Variants in RCC1L observed in about 807,000 individuals in gnomAD.
RCC1L encodes the protein RCC1-like G exchanging factor-like protein.
A neutral mutation model predicts 58.6 loss-of-function variants in RCC1L; 46 were observed. That is an observed-to-expected ratio of 0.79 (90% CI 0.62 to 1.00). The LOEUF (loss-of-function observed/expected upper bound fraction) is 1.00. Among genes scored for constraint, RCC1L ranks in the 50% least tolerant of loss-of-function variants. The probability of loss-of-function intolerance (pLI) is 0.00; values close to 1 mark genes in which losing one functional copy is unlikely to be tolerated. For synonymous variants in RCC1L, 281 were observed against 262.9 expected (o/e 1.07, Z -0.67); for missense variants, 636 against 623.6 (o/e 1.02, Z -0.21).
intron 7 of RCC1L, 185 bp from the exon 8 acceptor site, chr7:75,057,801 GTTT>G (rs1806129190): frequency 2.9e-6 from 2 of 677,974 alleles, no homozygotes; most frequent in Non-Finnish European, 2.7e-6. Flanking sequence ...AAGAGGCCCA[GTTT>G]CCACCCTCAG....
At chr7:75,027,645 C>T (rs1229024980) in exon 11 of RCC1L, 4 of 267,534 alleles carry the variant, frequency 1.5e-5, no homozygotes, top group South Asian at 4.0e-5. Context: ...TATGGCTCTC[C>T]GCCCTGGCTG....
rs1265701989 is a variant in RCC1L at position 75,051,236 on chromosome 7, GTATA to G, written c.1317+1471_1317+1474del. ...CGTATAATATAAATGTATTATATATGTATATATATTTATATGTGTGTGTGTATAT... is the reference window on the plus strand; with the variant it reads ...CGTATAATATAAATGTATTATATATGTATATTTATATGTGTGTGTGTATAT... On this transcript the variant is annotated intron_variant, in intron 10 of 10. Transcript: ENST00000610322. Among the ~76,000 whole-genome samples, 5 of 144,304 alleles carry G rather than the reference GTATA, an allele frequency of 3.5e-5. No homozygotes were observed. In the South Asian group the frequency reaches 1.1e-3, roughly 31 times the overall value. 94.7% of individuals were successfully genotyped at this position (144,304 alleles called of 152,430 possible).
chr7:75,044,164 C>T (rs999049463), intron 10 of RCC1L, among the ~76,000 whole-genome samples: 3 of 152,224 alleles, frequency 2.0e-5, no homozygotes, highest in Non-Finnish European at 4.4e-5. Flanking sequence ...TCAACAACTC[C>T]AGGTGTGCCC....
intron 10 of RCC1L, among the ~76,000 whole-genome samples, chr7:75,029,618 A>G (rs1805244431): frequency 1.3e-5 from 2 of 151,956 alleles, no homozygotes; most frequent in Admixed American, 1.3e-4. Flanking sequence ...TGCTGGGATT[A>G]CAGGCATGAG....
chr7:75,045,703 A>G (rs1805698787), intron 10 of RCC1L, among the ~76,000 whole-genome samples: 1 of 152,164 alleles, frequency 6.6e-6, no homozygotes, highest in East Asian at 1.9e-4. Flanking sequence ...TTTCGTAGAG[A>G]TGGGGTTTCA....
intron 10 of RCC1L, 117 bp from the exon 11 acceptor site, chr7:75,043,226 G>T: frequency 8.6e-7 from 1 of 1,167,090 alleles, no homozygotes; most frequent in Non-Finnish European, 1.3e-6. Context: ...GAGACAGCTT[G>T]TCTCAGCAGG....
At chr7:75,027,917 G>T in exon 11 of RCC1L, 1 of 1,165,816 alleles carries the variant, frequency 8.6e-7, no homozygotes, top group Non-Finnish European at 1.2e-6. Flanking sequence ...CTGCTGGGTG[G>T]GAGGGTCTCT....
chr7:75,068,450 C>T (rs1395544352), intron 2 of RCC1L, among the ~76,000 whole-genome samples: 2 of 152,084 alleles, frequency 1.3e-5, no homozygotes, highest in Non-Finnish European at 2.9e-5. Context: ...CTCTGGGAGG[C>T]CAAGGCAGGT....
At position 75,059,431 on chromosome 7, in the gene RCC1L, C is replaced by T. The variant is rs1047023765; in HGVS notation, c.788-662G>A. 5.8e-4 allele frequency among the ~76,000 whole-genome samples: 88 copies of T among 151,710 alleles called. No individual in the cohort carries two copies. In the East Asian group the frequency reaches 0.012, roughly 20 times the overall value. ...GATTACAGGCACGCACCACCACAGC[C>T]GGCTAATTTTTGTATTTTTCACAGA... On this transcript the variant is annotated intron_variant, in intron 6 of 10. Coordinates refer to ENST00000610322, the MANE Select transcript of RCC1L (RefSeq NM_030798.5).
At position 75,058,691 on chromosome 7, in the gene RCC1L, G is replaced by A; in HGVS notation, c.866C>T (p.Ala289Val). Reference sequence around the variant, plus strand: ...GGCCAGGCAGCAATCACCGTAGGTGGCAACTTGGATAACGTTCACTCCCGC... The same window carrying A: ...GGCCAGGCAGCAATCACCGTAGGTGACAACTTGGATAACGTTCACTCCCGC... ...DLAGVNVIQV[A>V]TYGDCCLAVS... Residue 289 changes from alanine (A) to valine (V), a missense_variant, in exon 7 of 11, where the codon GCC (alanine) becomes GTC (valine). Physicochemically the swap from Ala to Val is moderately conservative, Grantham distance 64. Transcript: ENST00000610322. 6.2e-7 allele frequency: 1 copy of A among 1,613,974 alleles called. No individual in the cohort carries two copies. The highest frequency in any genetic ancestry group is 1.1e-5 in the South Asian group (1 of 91,082).
Position 75,073,628 on chromosome 7 carries a change from T to G in RCC1L, c.110A>C (p.Glu37Ala). 14 of 1,496,274 alleles carry G rather than the reference T, an allele frequency of 9.4e-6. No individual in the cohort carries two copies. Among genetic ancestry groups the G allele is most frequent in the Non-Finnish European group, 1.2e-5 (14 of 1,132,670 alleles). 92.7% of individuals were successfully genotyped at this position (1,496,274 alleles called of 1,614,324 possible). A position where few individuals can be genotyped will look rare whatever the true frequency, so the allele number is the denominator to read the frequency against. ...CACCTCCGCCTCGGCTTCTGCCGCT[T>G]CGCGCCGGCTCCGGGAGCGCCCGGC... is the stretch of plus-strand genomic sequence containing the variant. ...TAAGRSRSRR[E>A]AAEAEAEVPV... Residue 37 changes from glutamate (E) to alanine (A), a missense_variant, in exon 1 of 11, where the codon GAA (glutamate) becomes GCA (alanine). Physicochemically the swap from Glu to Ala is moderately radical, Grantham distance 107. Transcript: ENST00000610322.
At chr7:75,050,861 G>C (rs374447003) in intron 10 of RCC1L, among the ~76,000 whole-genome samples, 12,363 of 152,096 alleles carry the variant, frequency 0.081, 1,646 homozygotes, top group African/African-American at 0.28. Context: ...GGAAGCTGAG[G>C]GAGGCAGATT....
At chr7:75,031,609 C>T (rs1020862892) in intron 10 of RCC1L, among the ~76,000 whole-genome samples, 4 of 151,842 alleles carry the variant, frequency 2.6e-5, no homozygotes, top group Admixed American at 1.3e-4. Flanking sequence ...ACACTGTGGT[C>T]GGGGGAACAC....
chr7:75,028,071 G>T lies in RCC1L; in HGVS notation c.1326C>A (p.Ala442=), dbSNP rs1381010051. Residue 442 remains alanine (A), a synonymous_variant, in exon 11 of 11, where the codon GCC becomes GCA. Coordinates refer to the RCC1L transcript ENST00000614461. Reference sequence around the variant, plus strand: ...CTGTTGTCTTGGCGCTGGCGGATGGGGCAGGTGCCTGGCGGGGGAGGAAGA... The same window carrying T: ...CTGTTGTCTTGGCGCTGGCGGATGGTGCAGGTGCCTGGCGGGGGAGGAAGA... 1.1e-5 allele frequency: 17 copies of T among 1,533,498 alleles called. No individual in the cohort carries two copies. In the African/African-American group the frequency reaches 1.6e-4, roughly 15 times the overall value. 95.0% of individuals were successfully genotyped at this position (1,533,498 alleles called of 1,614,324 possible). A position where few individuals can be genotyped will look rare whatever the true frequency, so the allele number is the denominator to read the frequency against.
Position 75,042,796 on chromosome 7 carries a change from C to T in RCC1L, c.*236G>A. ...CAGAGACGTGCGGGCCACAGCGGCC[C>T]ACCAAAGGCTGCCATCCAAGCTGAG... On this transcript the variant is annotated 3_prime_UTR_variant, in exon 11 of 11. Transcript: ENST00000610322. The T allele has an allele frequency of 7.0e-7, 1 of 1,434,040 alleles. No homozygotes were observed. Among genetic ancestry groups the T allele is most frequent in the Non-Finnish European group, 9.2e-7 (1 of 1,089,520 alleles). 88.8% of individuals were successfully genotyped at this position (1,434,040 alleles called of 1,614,324 possible).
At position 75,073,646 on chromosome 7, in the gene RCC1L, C is replaced by T. The variant is rs1554446540; in HGVS notation, c.92G>A (p.Arg31His). Residue 31 changes from arginine to histidine, a missense_variant, in exon 1 of 11, where the codon CGC becomes CAC. By Grantham distance (29) the Arg-to-His change is conservative. Coordinates refer to ENST00000610322, the MANE Select transcript of RCC1L (RefSeq NM_030798.5). ...LGRGHWTAAG[R>H]SRSRREAAEA... ...TGCCGCTTCGCGCCGGCTCCGGGAG[C>T]GCCCGGCCGCCGTCCAGTGCCCTCG... The T allele has an allele frequency of 1.4e-6, 2 of 1,475,264 alleles. No individual in the cohort carries two copies. Among genetic ancestry groups the T allele is most frequent in the Non-Finnish European group, 1.8e-6 (2 of 1,120,910 alleles). 91.4% of individuals were successfully genotyped at this position (1,475,264 alleles called of 1,614,324 possible). A position where few individuals can be genotyped will look rare whatever the true frequency, so the allele number is the denominator to read the frequency against.
chr7:75,055,550 C>A, intron 9 of RCC1L: 1 of 355,448 alleles, frequency 2.8e-6, no homozygotes, highest in Non-Finnish European at 5.4e-6. Flanking sequence ...CATTCACTTC[C>A]TAATCACCCA....
In RCC1L at chr7:75,073,609, C is replaced by G; in HGVS notation, c.129G>C (p.Ala43=). 2 of 1,521,866 alleles carry G rather than the reference C, an allele frequency of 1.3e-6. No individual in the cohort carries two copies. Among genetic ancestry groups the G allele is most frequent in the Non-Finnish European group, 1.7e-6 (2 of 1,145,640 alleles). The allele number at this position is 1,521,866 out of a possible 1,614,324, so 94.3% of individuals were successfully genotyped here. ...RSRREAAEAE[A]EVPVVQYVGE... The stretch of plus-strand genomic sequence containing the variant: ...CCACGTACTGGACCACGGGCACCTC[C>G]GCCTCGGCTTCTGCCGCTTCGCGCC... Residue 43 remains alanine, a synonymous_variant, in exon 1 of 11, where the codon GCG becomes GCC. Transcript: ENST00000610322.
At chr7:75,038,007 G>A (rs893476559), downstream of RCC1L, among the ~76,000 whole-genome samples, 5 of 152,322 alleles carry the variant, frequency 3.3e-5, no homozygotes, top group South Asian at 8.3e-4. Flanking sequence ...GAGCGTCTCG[G>A]GTAGCTGCAT....
Sources: allele counts gnomAD v4.1 joint callset (sites outside exome capture counted in the v4.1 genomes callset), GRCh38; gene constraint gnomAD v4.1.1; transcripts MANE v1.5; gene names NCBI Gene and HGNC (gene_info 2026-07-23, HGNC 2026-07-21).